The following TBC1D23 variants were observed in gnomAD, a reference collection of about 807,000 sequenced individuals.
The protein encoded by TBC1D23 is TBC1 domain family member 23, also known as HCV non-structural protein 4A-transactivated protein 1.
A neutral mutation model predicts 91.4 loss-of-function variants in TBC1D23; 55 were observed. That is an observed-to-expected ratio of 0.60 (90% confidence interval 0.48 to 0.75). TBC1D23 has a LOEUF of 0.75. Among genes scored for constraint, TBC1D23 ranks in the 30% least tolerant of loss-of-function variants. TBC1D23 has a pLI of 0.00. For synonymous variants in TBC1D23, 289 were observed against 281.0 expected (o/e 1.03, Z -0.28); for missense variants, 725 against 836.1 (o/e 0.87, Z 1.64).
intron 1 of TBC1D23, among the ~76,000 whole-genome samples, chr3:100,278,069 TAGG>T (rs1016551430): frequency 2.6e-5 from 4 of 152,226 alleles, no homozygotes; most frequent in East Asian, 1.9e-4. Flanking sequence ...TCCTTTCTCT[TAGG>T]AGAGCAACGC....
At position 100,295,131 on chromosome 3, in the gene TBC1D23, G is replaced by A. The variant is rs1162943339; in HGVS notation, c.645G>A (p.Gln215=). 6.2e-7 allele frequency: 1 copy of A among 1,605,906 alleles called. No individual in the cohort carries two copies. Residue 215 remains glutamine, a synonymous_variant, in exon 6 of 19, where the codon CAG becomes CAA. Coordinates refer to ENST00000394144, the MANE Select transcript of TBC1D23 (RefSeq NM_001199198.3). ...GTTACTGTTCCACTGAAGTCACTCAGGCAATATGGGATGGATATCTACAAC... is the reference window on the plus strand; with the variant it reads ...GTTACTGTTCCACTGAAGTCACTCAAGCAATATGGGATGGATATCTACAAC... ...FACYCSTEVT[Q]AIWDGYLQQA... is the part of the protein sequence containing the mutation.
chr3:100,284,231 A>T (rs2067721132), intron 4 of TBC1D23, among the ~76,000 whole-genome samples: 1 of 152,196 alleles, frequency 6.6e-6, no homozygotes, highest in African/African-American at 2.4e-5. Context: ...ATGAGATGAT[A>T]GGTGCATTAT....
chr3:100,268,000 G>A (rs1005119257), intron 1 of TBC1D23, among the ~76,000 whole-genome samples: 2 of 151,928 alleles, frequency 1.3e-5, no homozygotes, highest in East Asian at 1.9e-4. Flanking sequence ...GTGAGGCCTC[G>A]TCTTTACTAA....
chr3:100,279,622 T>G, intron 1 of TBC1D23, 27 bp from the exon 2 acceptor site: 1 of 1,406,246 alleles, frequency 7.1e-7, no homozygotes, highest in East Asian at 2.4e-5. Context: ...ATAAAGTTCA[T>G]TTTAATAAAT....
intron 10 of TBC1D23, chr3:100,301,802 A>T (rs1292323879): frequency 3.0e-6 from 1 of 332,320 alleles, no homozygotes; most frequent in Non-Finnish European, 5.4e-6. Context: ...AAAAACAAGA[A>T]CAACAAACAG....
intron 15 of TBC1D23, among the ~76,000 whole-genome samples, chr3:100,312,503 C>G (rs1705642179): frequency 6.6e-6 from 1 of 151,912 alleles, no homozygotes; most frequent in Non-Finnish European, 1.5e-5. Flanking sequence ...ACTTCTCTAA[C>G]CCAAATAAAA....
At chr3:100,321,372 T>A (rs1705855689) in intron 18 of TBC1D23, among the ~76,000 whole-genome samples, 1 of 152,214 alleles carries the variant, frequency 6.6e-6, no homozygotes, top group Non-Finnish European at 1.5e-5. Context: ...ATAGGTAATT[T>A]ACAGCCTGGT....
In TBC1D23 at chr3:100,312,929, G is replaced by A. The variant is rs573210065; in HGVS notation, c.1598+1052G>A. On this transcript the variant is annotated intron_variant, in intron 15 of 18. Coordinates refer to ENST00000394144, the MANE Select transcript of TBC1D23 (RefSeq NM_001199198.3). ...AGCACTTTGGGAGTTGGAGGTGGGCGGATCACGAGGTCAGGAGGTTGAGAC... is the reference window on the plus strand; with the variant it reads ...AGCACTTTGGGAGTTGGAGGTGGGCAGATCACGAGGTCAGGAGGTTGAGAC... Among the ~76,000 whole-genome samples, 20 of 151,958 alleles carry A rather than the reference G, an allele frequency of 1.3e-4. No individual in the cohort carries two copies. The East Asian group carries it at 3.3e-3, about 25-fold the overall frequency.
intron 5 of TBC1D23, among the ~76,000 whole-genome samples, chr3:100,293,084 C>T (rs912900245): frequency 2.0e-5 from 3 of 151,828 alleles, no homozygotes; most frequent in African/African-American, 7.3e-5. Context: ...AGTGGTTTCT[C>T]TTCAGCTGAT....
chr3:100,297,874 A>G (rs764724642), intron 8 of TBC1D23, 49 bp from the exon 9 acceptor site: 26 of 1,463,146 alleles, frequency 1.8e-5, no homozygotes, highest in Non-Finnish European at 2.0e-5. Context: ...TTTTAGGAAG[A>G]AAGTTTGATT....
chr3:100,288,246 A>G (rs1372450930), intron 4 of TBC1D23, among the ~76,000 whole-genome samples: 1 of 151,732 alleles, frequency 6.6e-6, no homozygotes, highest in Non-Finnish European at 1.5e-5. Flanking sequence ...CCTGTCTAAA[A>G]AAAAAAAAAA....
intron 1 of TBC1D23, among the ~76,000 whole-genome samples, chr3:100,275,609 T>C (rs1304777156): frequency 1.3e-5 from 2 of 152,214 alleles, no homozygotes; most frequent in African/African-American, 4.8e-5. Context: ...GAGGTTTTAA[T>C]AGACTTGATC....
rs79254293 is a variant in TBC1D23 at position 100,278,366 on chromosome 3, A to G, written c.54-1283A>G. On this transcript the variant is annotated intron_variant, in intron 1 of 18. Transcript: ENST00000394144. ...AATGACTGAAACCTCAGTTTTTGAA[A>G]ATTCCTAAGGAATTGATTGATTTTT... Among the ~76,000 whole-genome samples, 128 of 152,248 alleles carry G rather than the reference A, an allele frequency of 8.4e-4. 2 individuals carry two copies. The East Asian group carries it at 0.024, about 29-fold the overall frequency.
Position 100,323,814 on chromosome 3 carries a change from T to C in TBC1D23, c.*146T>C. The C allele has an allele frequency of 3.1e-6, 1 of 319,836 alleles. No homozygotes were observed. Among genetic ancestry groups the C allele is most frequent in the Non-Finnish European group, 5.8e-6 (1 of 173,818 alleles). 19.8% of individuals were successfully genotyped at this position (319,836 alleles called of 1,614,324 possible). A position where few individuals can be genotyped will look rare whatever the true frequency, so the allele number is the denominator to read the frequency against. On this transcript the variant is annotated 3_prime_UTR_variant, in exon 19 of 19. Transcript: ENST00000394144. Reference sequence around the variant, plus strand: ...TCTAAGAAAGTGTAAATTATTATAATCAATCTGTGGACAGTAAACTTTTTA... The same window carrying C: ...TCTAAGAAAGTGTAAATTATTATAACCAATCTGTGGACAGTAAACTTTTTA...
chr3:100,322,688 TA>T (rs1705880913), intron 18 of TBC1D23, among the ~76,000 whole-genome samples: 1 of 152,232 alleles, frequency 6.6e-6, no homozygotes, highest in African/African-American at 2.4e-5. Context: ...TCATGTATAG[TA>T]AAAGTTGGGA....
chr3:100,309,889 G>C (rs2583657), intron 13 of TBC1D23, among the ~76,000 whole-genome samples: 393 of 152,250 alleles, frequency 2.6e-3, no homozygotes, highest in African/African-American at 8.5e-3. Flanking sequence ...GATTACAGGC[G>C]TGAGCCACCG....
At chr3:100,306,605 T>A in intron 13 of TBC1D23, 62 bp downstream of exon 13, 1 of 914,534 alleles carries the variant, frequency 1.1e-6, no homozygotes, top group Non-Finnish European at 1.8e-6. Context: ...GGTGATTAAC[T>A]ACTAAACCCC....
chr3:100,319,098 G>A lies in TBC1D23; in HGVS notation c.1717G>A (p.Asp573Asn). 1 of 1,583,186 alleles carries A rather than the reference G, an allele frequency of 6.3e-7. No homozygotes were observed. Among genetic ancestry groups the A allele is most frequent in the Non-Finnish European group, 8.6e-7 (1 of 1,158,532 alleles). ...DEIDSSSMSD[D>N]DRKEVVNIQT... is the part of the protein sequence containing the mutation. ...AATTGACAGTTCTTCAATGTCAGATGATGATAGAAAAGAGGTTGTAAACAT... is the reference window on the plus strand; with the variant it reads ...AATTGACAGTTCTTCAATGTCAGATAATGATAGAAAAGAGGTTGTAAACAT... The change falls in exon 17 of 19, where the codon GAT becomes AAT. Residue 573 changes from aspartate to asparagine, a missense_variant. Coordinates refer to ENST00000394144, the MANE Select transcript of TBC1D23 (RefSeq NM_001199198.3).
rs1300022072 is a variant in TBC1D23 at position 100,319,175 on chromosome 3, A to G, written c.1794A>G (p.Glu598=). 3.7e-6 allele frequency: 6 copies of G among 1,608,984 alleles called. No homozygotes were observed. The highest frequency in any genetic ancestry group is 5.1e-6 in the Non-Finnish European group (6 of 1,178,350). The change falls in exon 17 of 19, where the codon GAA becomes GAG. Residue 598 remains glutamate, a synonymous_variant. Coordinates refer to ENST00000394144, the MANE Select transcript of TBC1D23 (RefSeq NM_001199198.3). ...TCAAACATCATTTTCCTTGTAAAGA[A>G]GTAAAAGAAAGTGGACACATGTTTC... The part of the protein sequence containing the change: ...PDVKHHFPCK[E]VKESGHMFPS...
Sources: gnomAD v4.1 joint callset for allele counts (sites outside exome capture counted in the v4.1 genomes callset) on GRCh38, gnomAD v4.1.1 for gene constraint, MANE v1.5 for transcripts, NCBI Gene and HGNC (gene_info 2026-07-23, HGNC 2026-07-21) for gene names.